The following KTN1 variants were observed in gnomAD, a reference collection of about 807,000 sequenced individuals.
KTN1 encodes the protein kinectin.
A neutral mutation model predicts 222.5 loss-of-function variants in KTN1; 130 were observed. The ratio of observed to expected loss-of-function variants is 0.58; its 90% CI spans 0.51 to 0.68. The LOEUF is 0.68. KTN1 is among the 30% of genes least tolerant of loss of function. The pLI is 0.00. For missense variants in KTN1, 1,508 were observed against 1,500.4 expected (o/e 1.01, Z -0.08); for synonymous variants, 512 against 496.3 (o/e 1.03, Z -0.42).
chr14:55,589,224 C>T (rs1030456383), intron 1 of KTN1, among the ~76,000 whole-genome samples: 4 of 152,176 alleles, frequency 2.6e-5, no homozygotes, highest in African/African-American at 4.8e-5. Context: ...TATTTCATAT[C>T]CTTTCAGTGT....
chr14:55,656,390 T>C (rs543908568), intron 29 of KTN1: 2 of 341,678 alleles, frequency 5.9e-6, no homozygotes, highest in South Asian at 2.1e-4. Context: ...AACAGTGTTT[T>C]CAAGATCTTT....
intron 28 of KTN1, among the ~76,000 whole-genome samples, chr14:55,653,809 A>G (rs2043181520): frequency 1.3e-5 from 2 of 152,274 alleles, no homozygotes; most frequent in South Asian, 4.1e-4. Context: ...TCCTTTCCAA[A>G]TCCATCAAAC....
In KTN1 at chr14:55,652,893, T is replaced by C; in HGVS notation, c.2647T>C (p.Leu883=). 1 of 1,611,514 alleles carries C rather than the reference T, an allele frequency of 6.2e-7. No individual in the cohort carries two copies. Among genetic ancestry groups the C allele is most frequent in the Non-Finnish European group, 8.5e-7 (1 of 1,178,344 alleles). The change falls in exon 26 of 44, where the codon TTG becomes CTG. Residue 883 remains leucine, a synonymous_variant. Coordinates refer to ENST00000395314, the MANE Select transcript of KTN1 (RefSeq NM_001079521.2). ...EEQMNTMKAV[L]EEKEKDLANT... is the part of the protein sequence containing the mutation. ...ACAGATGAATACCATGAAGGCTGTTTTGGAAGAGAAAGAGAAAGACCTAGC... is the reference window on the plus strand; with the variant it reads ...ACAGATGAATACCATGAAGGCTGTTCTGGAAGAGAAAGAGAAAGACCTAGC...
At chr14:55,625,492 A>C (rs2039695090) in intron 5 of KTN1, among the ~76,000 whole-genome samples, 1 of 152,094 alleles carries the variant, frequency 6.6e-6, no homozygotes, top group Admixed American at 6.5e-5. Flanking sequence ...CATTAATAAT[A>C]GTTTTTCTGT....
Position 55,673,267 on chromosome 14 carries a change from G to T in KTN1, c.3771+12G>T, listed in dbSNP as rs774418610. On this transcript the variant is annotated intron_variant, in intron 40 of 43. Transcript: ENST00000395314. Reference sequence around the variant, plus strand: ...AAGAGCTAAATTTGGTAAGAAGCTTGTCCTCCACTGGGTATCAAGTAGGCA... The same window carrying T: ...AAGAGCTAAATTTGGTAAGAAGCTTTTCCTCCACTGGGTATCAAGTAGGCA... 2 of 1,557,556 alleles carry T rather than the reference G, an allele frequency of 1.3e-6. No homozygotes were observed. Among genetic ancestry groups the T allele is most frequent in the Non-Finnish European group, 1.8e-6 (2 of 1,129,202 alleles).
intron 42 of KTN1, chr14:55,678,655 C>T: frequency 2.1e-6 from 1 of 482,554 alleles, no homozygotes; most frequent in Non-Finnish European, 3.8e-6. Flanking sequence ...GAGCGGGGGT[C>T]CCCAATTCCT....
rs141845594 is a variant in KTN1 at position 55,636,998 on chromosome 14, G to A, written c.1550-200G>A. On this transcript the variant is annotated intron_variant, in intron 10 of 43. Transcript: ENST00000395314. Reference sequence around the variant, plus strand: ...ATCCATCTGGGAGATAATGGAGTACGTGTTATGTGTATTGTTTATTTCTCT... The same window carrying A: ...ATCCATCTGGGAGATAATGGAGTACATGTTATGTGTATTGTTTATTTCTCT... Among the ~76,000 whole-genome samples, 96 of 152,146 alleles carry A rather than the reference G, an allele frequency of 6.3e-4. 2 individuals carry two copies. The South Asian group carries it at 9.9e-3, about 16-fold the overall frequency.
At chr14:55,648,990 A>G (rs2042667906) in intron 21 of KTN1, 120 bp downstream of exon 21, 2 of 670,562 alleles carry the variant, frequency 3.0e-6, no homozygotes, top group Non-Finnish European at 5.2e-6. Context: ...CAGTGGTACA[A>G]TCATAACTCA....
chr14:55,654,837 C>T (rs539487494), intron 28 of KTN1, among the ~76,000 whole-genome samples: 2 of 152,256 alleles, frequency 1.3e-5, no homozygotes, highest in South Asian at 2.1e-4. Context: ...CTCCTGTGTT[C>T]TACCTGTGTA....
At chr14:55,619,333 T>C (rs778575645) in intron 5 of KTN1, 21 bp downstream of exon 5, 12 of 1,611,240 alleles carry the variant, frequency 7.4e-6, no homozygotes, top group Non-Finnish European at 9.3e-6. Context: ...TTTTTGATTA[T>C]GGGCATATTC....
At chr14:55,681,531 A>T (rs944600342) in intron 43 of KTN1, 1 of 152,208 alleles carries the variant, frequency 6.6e-6, no homozygotes, top group East Asian at 1.9e-4. Flanking sequence ...CATATGAATC[A>T]TTGATAATAA....
intron 18 of KTN1, among the ~76,000 whole-genome samples, chr14:55,642,682 A>G (rs2041919532): frequency 6.6e-6 from 1 of 152,182 alleles, no homozygotes. Context: ...TAAAATTCAC[A>G]TTTATGCAGA....
At chr14:55,636,663 T>C in intron 10 of KTN1, 127 bp downstream of exon 10, 1 of 603,828 alleles carries the variant, frequency 1.7e-6, no homozygotes, top group Non-Finnish European at 2.9e-6. Flanking sequence ...GCTTTTATAC[T>C]TTCAGAATAT....
At chr14:55,654,171 A>T (rs1268942008) in intron 28 of KTN1, among the ~76,000 whole-genome samples, 1 of 152,178 alleles carries the variant, frequency 6.6e-6, no homozygotes, top group Non-Finnish European at 1.5e-5. Flanking sequence ...AAGGTACAGC[A>T]GGTTACAATG....
chr14:55,656,760 G>A (rs145696027), intron 29 of KTN1, among the ~76,000 whole-genome samples: 96 of 152,116 alleles, frequency 6.3e-4, no homozygotes, highest in African/African-American at 2.1e-3. Context: ...AGCCACCGCA[G>A]CCAGCATATA....
intron 9 of KTN1, among the ~76,000 whole-genome samples, chr14:55,635,161 G>A (rs10483644): frequency 0.25 from 37,747 of 152,036 alleles, 4,756 homozygotes; most frequent in East Asian, 0.33. Context: ...TAGTCTAAAT[G>A]CTATGCCCTG....
Position 55,679,316 on chromosome 14 carries a change from A to G in KTN1, c.3949-249A>G, listed in dbSNP as rs577001293. 3.9e-5 allele frequency: 14 copies of G among 361,140 alleles called. No individual in the cohort carries two copies. In the East Asian group the frequency reaches 6.7e-4, roughly 17 times the overall value. 22.4% of individuals were successfully genotyped at this position (361,140 alleles called of 1,614,324 possible). On this transcript the variant is annotated intron_variant, in intron 42 of 43. Coordinates refer to ENST00000395314, the MANE Select transcript of KTN1 (RefSeq NM_001079521.2). ...TATATTTCTGATATTCATAGATTCT[A>G]GATTTTTTTTCCTTTTGTGTCCAAG...
chr14:55,601,667 A>G (rs1041634662), intron 1 of KTN1: 1 of 152,230 alleles, frequency 6.6e-6, no homozygotes, highest in African/African-American at 2.4e-5. Flanking sequence ...CAAATGGAAT[A>G]TACTTACAAA....
At chr14:55,662,289 C>G (rs1040579177) in intron 32 of KTN1, among the ~76,000 whole-genome samples, 2 of 151,978 alleles carry the variant, frequency 1.3e-5, no homozygotes, top group African/African-American at 4.8e-5. Flanking sequence ...AGGCTGGTCT[C>G]GAACTCCTGA....
Sources: allele counts gnomAD v4.1 joint callset (sites outside exome capture counted in the v4.1 genomes callset), GRCh38; gene constraint gnomAD v4.1.1; transcripts MANE v1.5; gene names NCBI Gene and HGNC (gene_info 2026-07-23, HGNC 2026-07-21).